Variants in TRMT9B observed in about 807,000 individuals in gnomAD.
TRMT9B encodes the protein tRNA methyltransferase 9B (putative).
Under a neutral mutation model 11.5 loss-of-function variants are expected in TRMT9B, and 16 were observed. The observed-to-expected ratio is 1.39, with a 90% CI of 0.94 to 2.11. The LOEUF (loss-of-function observed/expected upper bound fraction) is 2.11. Among genes scored for constraint, TRMT9B ranks in the 30% most tolerant of loss-of-function variants. TRMT9B has a pLI of 0.00. For missense variants in TRMT9B, 941 were observed against 553.8 expected (o/e 1.70, Z -7.02); for synonymous variants, 274 against 192.4 (o/e 1.42, Z -3.51).
At chr8:12,993,516 T>TG in intron 2 of TRMT9B, among the ~76,000 whole-genome samples, 2 of 152,106 alleles carry the variant, frequency 1.3e-5, no homozygotes, top group Admixed American at 1.3e-4. Flanking sequence ...GGGATAGATG[T>TG]GGGGGGTGCA....
chr8:12,958,840 A>C (rs1801656336), intron 1 of TRMT9B: 1 of 152,292 alleles, frequency 6.6e-6, no homozygotes, highest in Non-Finnish European at 1.5e-5. Context: ...AAACTTTCAC[A>C]AAGTCAGAAA....
At chr8:12,981,572 T>A (rs1270636498) in intron 1 of TRMT9B, among the ~76,000 whole-genome samples, 1 of 152,080 alleles carries the variant, frequency 6.6e-6, no homozygotes, top group African/African-American at 2.4e-5. Context: ...GGTTTATTTT[T>A]GCTTTCCTTT....
At chr8:12,952,702 A>T in intron 1 of TRMT9B, 2 of 983,916 alleles carry the variant, frequency 2.0e-6, no homozygotes, top group Non-Finnish European at 2.4e-6. Flanking sequence ...CCAAAATAGG[A>T]AGGTAAGGAT....
rs77587992 is a variant in TRMT9B, at chr8:13,019,273, C to A, written c.329-1735C>A. 4.0e-3 allele frequency among the ~76,000 whole-genome samples: 609 copies of A among 152,188 alleles called. 4 individuals carry two copies. Among genetic ancestry groups the A allele is most frequent in the South Asian group, 0.014 (67 of 4,820 alleles). ...GGGAGATACATACATATGGGAGATA[C>A]ATTTATATGAGTGTGTATATATAGA... On this transcript the variant is annotated intron_variant, in intron 4 of 4. Transcript: ENST00000524591.
chr8:12,993,087 A>G (rs1312767200), intron 2 of TRMT9B, among the ~76,000 whole-genome samples: 1 of 152,118 alleles, frequency 6.6e-6, no homozygotes, highest in Non-Finnish European at 1.5e-5. Context: ...CTCGGGAAAA[A>G]GTGAGTAGAT....
At chr8:12,995,342 C>G (rs980876265) in intron 2 of TRMT9B, among the ~76,000 whole-genome samples, 1 of 152,138 alleles carries the variant, frequency 6.6e-6, no homozygotes, top group Admixed American at 6.6e-5. Context: ...TTATATAAAT[C>G]TAGTTTGAGT....
intron 1 of TRMT9B, among the ~76,000 whole-genome samples, chr8:12,965,558 C>T (rs1353939178): frequency 6.6e-6 from 1 of 152,120 alleles, no homozygotes; most frequent in African/African-American, 2.4e-5. Context: ...TGTCTGATGA[C>T]CCGAAAGTCT....
At chr8:13,014,547 G>A (rs576250004) in intron 4 of TRMT9B, among the ~76,000 whole-genome samples, 142 of 152,188 alleles carry the variant, frequency 9.3e-4, no homozygotes, top group African/African-American at 3.2e-3. Context: ...CATAATGGGG[G>A]CCCCACTCTC....
At chr8:13,016,427 T>C (rs1457348373) in intron 4 of TRMT9B, among the ~76,000 whole-genome samples, 1 of 148,974 alleles carries the variant, frequency 6.7e-6, no homozygotes, top group African/African-American at 2.4e-5. Context: ...AAGTATACTA[T>C]GAGAAATTTC....
intron 1 of TRMT9B, among the ~76,000 whole-genome samples, chr8:12,982,489 C>A (rs2946490): frequency 6.6e-6 from 1 of 152,036 alleles, no homozygotes; most frequent in Non-Finnish European, 1.5e-5. Flanking sequence ...TAGTGAAACC[C>A]CGTCTCTACT....
chr8:12,972,091 CAG>C (rs1358549136), intron 1 of TRMT9B, among the ~76,000 whole-genome samples: 2 of 152,094 alleles, frequency 1.3e-5, no homozygotes, highest in African/African-American at 4.8e-5. Flanking sequence ...GTTATGTTAA[CAG>C]AGAAAATTTA....
At position 13,021,820 on chromosome 8, in the gene TRMT9B, G is replaced by T; in HGVS notation, c.1141G>T (p.Ala381Ser). 6.8e-6 allele frequency: 11 copies of T among 1,613,702 alleles called. No individual in the cohort carries two copies. The highest frequency in any genetic ancestry group is 9.3e-6 in the Non-Finnish European group (11 of 1,179,718). The change falls in exon 5 of 5, where the codon GCA (alanine) becomes TCA (serine). Residue 381 changes from alanine to serine, a missense_variant. By Grantham distance (99) the Ala-to-Ser change is moderately conservative. Coordinates refer to ENST00000524591, the MANE Select transcript of TRMT9B (RefSeq NM_020844.3). ...SASKILRRIS[A>S]VDSTDFNPDD... ...TAGTAAAATATTGAGAAGGATTTCT[G>T]CAGTTGATTCCACAGATTTCAACCC... is the stretch of plus-strand genomic sequence containing the variant.
At chr8:13,003,145 T>A (rs13257865) in intron 2 of TRMT9B, among the ~76,000 whole-genome samples, 7,498 of 152,250 alleles carry the variant, frequency 0.049, 229 homozygotes, top group South Asian at 0.092. Flanking sequence ...GAAAAATATC[T>A]TATCTAAATT....
chr8:13,007,812 C>G (rs1810765658), intron 3 of TRMT9B: 1 of 152,094 alleles, frequency 6.6e-6, no homozygotes, highest in African/African-American at 2.4e-5. Flanking sequence ...TCACACCTTA[C>G]ATCAAAATAA....
intron 4 of TRMT9B, among the ~76,000 whole-genome samples, chr8:13,015,680 C>G (rs927803743): frequency 5.9e-5 from 9 of 152,124 alleles, no homozygotes; most frequent in Non-Finnish European, 1.2e-4. Flanking sequence ...TGCAAGGCCA[C>G]CTATATCCAG....
Position 13,022,220 on chromosome 8 carries a change from G to A in TRMT9B, c.*176G>A. The A allele has an allele frequency of 3.7e-6, 2 of 539,240 alleles. No individual in the cohort carries two copies. The highest frequency in any genetic ancestry group is 6.5e-5 in the South Asian group (2 of 30,726). The allele number at this position is 539,240 out of a possible 1,614,324, so 33.4% of individuals were successfully genotyped here. On this transcript the variant is annotated 3_prime_UTR_variant, in exon 5 of 5. Coordinates refer to ENST00000524591, the MANE Select transcript of TRMT9B (RefSeq NM_020844.3). The stretch of plus-strand genomic sequence containing the variant: ...CATTTTTGAATAAGCACAGATTCTG[G>A]CATTGAAAGCACTTGACAAAGGGTA...
chr8:12,960,670 AC>A (rs1801983105), intron 1 of TRMT9B, among the ~76,000 whole-genome samples: 1 of 152,242 alleles, frequency 6.6e-6, no homozygotes, highest in African/African-American at 2.4e-5. Flanking sequence ...ACACGGTGGA[AC>A]CCTAAATGCA....
Position 13,022,223 on chromosome 8 carries a change from T to C in TRMT9B, c.*179T>C. ...TTTTGAATAAGCACAGATTCTGGCA[T>C]TGAAAGCACTTGACAAAGGGTATTT... On this transcript the variant is annotated 3_prime_UTR_variant, in exon 5 of 5. Coordinates refer to ENST00000524591, the MANE Select transcript of TRMT9B (RefSeq NM_020844.3). 3.7e-6 allele frequency: 2 copies of C among 538,590 alleles called. No individual in the cohort carries two copies. The highest frequency in any genetic ancestry group is 3.2e-5 in the South Asian group (1 of 31,286). 33.4% of individuals were successfully genotyped at this position (538,590 alleles called of 1,614,324 possible).
chr8:13,005,428 A>G (rs1190628179), intron 2 of TRMT9B, among the ~76,000 whole-genome samples: 2 of 152,166 alleles, frequency 1.3e-5, no homozygotes, highest in Non-Finnish European at 2.9e-5. Flanking sequence ...TGACTAAAAG[A>G]GTATATTGGA....
Sources: allele counts gnomAD v4.1 joint callset (sites outside exome capture counted in the v4.1 genomes callset), GRCh38; gene constraint gnomAD v4.1.1; transcripts MANE v1.5; gene names NCBI Gene and HGNC (gene_info 2026-07-23, HGNC 2026-07-21).